Variants in PPIL6 observed in about 807,000 individuals in gnomAD.
PPIL6 encodes peptidylprolyl isomerase like 6.
PPIL6 carries 39 observed loss-of-function variants against 36.8 expected under a neutral mutation model. That is an observed-to-expected ratio of 1.06 (90% confidence interval 0.82 to 1.38). PPIL6 has a LOEUF of 1.38. Among genes scored for constraint, PPIL6 ranks in the 40% most tolerant of loss-of-function variants. The pLI is 0.00. For synonymous variants in PPIL6, 123 were observed against 134.1 expected, an observed-to-expected ratio of 0.92 and a Z score of 0.57; for missense variants, 368 against 379.1, an observed-to-expected ratio of 0.97 and a Z score of 0.24.
At chr6:109,434,596 A>C (rs548097711) in intron 2 of PPIL6, among the ~76,000 whole-genome samples, 2 of 152,326 alleles carry the variant, frequency 1.3e-5, no homozygotes, top group Admixed American at 1.3e-4. Context: ...ATGTGACTGA[A>C]CAGAGAATGA....
chr6:109,420,422 T>C (rs138858034), intron 5 of PPIL6, among the ~76,000 whole-genome samples: 4 of 151,314 alleles, frequency 2.6e-5, no homozygotes, highest in East Asian at 3.9e-4. Flanking sequence ...TCATATCCTA[T>C]AGTGATAACT....
intron 1 of PPIL6, 131 bp downstream of exon 1, chr6:109,440,325 A>G (rs1436239938): frequency 2.6e-5 from 30 of 1,163,644 alleles, no homozygotes; most frequent in Non-Finnish European, 3.5e-5. Context: ...CGGCCAGGAC[A>G]CGCCAGCCCC....
chr6:109,426,814 GC>G (rs1464286463), intron 5 of PPIL6, 32 bp downstream of exon 5: 1 of 1,403,626 alleles, frequency 7.1e-7, no homozygotes, highest in Non-Finnish European at 9.6e-7. Context: ...ATTTGATATT[GC>G]AATTAACTCG....
intron 6 of PPIL6, among the ~76,000 whole-genome samples, chr6:109,406,783 C>A (rs776779772): frequency 1.3e-5 from 2 of 152,082 alleles, no homozygotes; most frequent in Non-Finnish European, 2.9e-5. Flanking sequence ...TTTATAATAT[C>A]ATTATAAACT....
chr6:109,420,761 AT>A (rs1773502419), intron 5 of PPIL6, among the ~76,000 whole-genome samples: 1 of 152,216 alleles, frequency 6.6e-6, no homozygotes, highest in Non-Finnish European at 1.5e-5. Flanking sequence ...AGTATGAGCA[AT>A]TTACCTACAA....
At chr6:109,420,540 T>A (rs1052698547) in intron 5 of PPIL6, among the ~76,000 whole-genome samples, 1 of 152,070 alleles carries the variant, frequency 6.6e-6, no homozygotes, top group Admixed American at 6.5e-5. Context: ...GCTCCCACTA[T>A]AAAAAGACTC....
At chr6:109,398,654 A>C (rs1772398619) in intron 7 of PPIL6, among the ~76,000 whole-genome samples, 1 of 152,228 alleles carries the variant, frequency 6.6e-6, no homozygotes, top group Non-Finnish European at 1.5e-5. Context: ...TTCTAATAAT[A>C]ACTATTACCT....
intron 2 of PPIL6, among the ~76,000 whole-genome samples, chr6:109,435,300 T>C (rs1378627591): frequency 6.7e-6 from 1 of 149,774 alleles, no homozygotes; most frequent in African/African-American, 2.5e-5. Context: ...GTTGCACTTT[T>C]TTTTTTTTTT....
Position 109,431,187 on chromosome 6 carries a change from A to T in PPIL6, c.390T>A (p.Asp130Glu). 6.2e-7 allele frequency: 1 copy of T among 1,610,814 alleles called. No homozygotes were observed. The highest frequency in any genetic ancestry group is 8.5e-7 in the Non-Finnish European group (1 of 1,178,618). ...TGTCTCTTAAGAACTTAGCGGAAAA[A>T]TCCTCAGTGAGTGCGTCATAAAGTG... is the stretch of plus-strand genomic sequence containing the variant. ...PSALYDALTEDFSAKFLRDTK... is the reference protein window; with the variant it reads ...PSALYDALTEEFSAKFLRDTK... The change falls in exon 3 of 8, where the codon GAT becomes GAA. Residue 130 changes from aspartate (D) to glutamate (E), a missense_variant. Physicochemically the swap from Asp to Glu is conservative, Grantham distance 45 (BLOSUM62 2). Transcript: ENST00000521072.
intron 6 of PPIL6, among the ~76,000 whole-genome samples, chr6:109,405,316 C>G (rs1772754198): frequency 6.6e-6 from 1 of 152,158 alleles, no homozygotes; most frequent in African/African-American, 2.4e-5. Flanking sequence ...TCCAAATATG[C>G]ATTCCTAAGC....
chr6:109,414,004 T>G (rs921108920), intron 6 of PPIL6, among the ~76,000 whole-genome samples: 13 of 151,584 alleles, frequency 8.6e-5, no homozygotes, highest in Non-Finnish European at 1.8e-4. Context: ...TGAGGATGGT[T>G]AATAGGCACA....
In PPIL6 at chr6:109,400,190, G is replaced by T; in HGVS notation, c.689-20C>A. On this transcript the variant is annotated intron_variant, in intron 6 of 7. Coordinates refer to ENST00000521072, the MANE Select transcript of PPIL6 (RefSeq NM_173672.5). ...TTTCATCTAGGAAAGACAATAATCA[G>T]TAGGTCATTAGCACATTTCTATTAT... The T allele has an allele frequency of 6.3e-7, 1 of 1,597,334 alleles. No individual in the cohort carries two copies. The highest frequency in any genetic ancestry group is 2.2e-5 in the East Asian group (1 of 44,676).
At chr6:109,434,732 T>C (rs1774352406) in intron 2 of PPIL6, among the ~76,000 whole-genome samples, 1 of 152,022 alleles carries the variant, frequency 6.6e-6, no homozygotes, top group African/African-American at 2.4e-5. Context: ...TCATCAGCCA[T>C]GGGGGAGATG....
At chr6:109,426,776 A>C (rs1773832964) in intron 5 of PPIL6, 71 bp downstream of exon 5, 1 of 1,063,444 alleles carries the variant, frequency 9.4e-7, no homozygotes, top group Non-Finnish European at 1.3e-6. Context: ...TACATTTCAT[A>C]AAGATAAATG....
intron 6 of PPIL6, among the ~76,000 whole-genome samples, chr6:109,406,867 C>G (rs1035620453): frequency 3.3e-5 from 5 of 152,180 alleles, no homozygotes; most frequent in Non-Finnish European, 7.3e-5. Context: ...ATTACTCCAT[C>G]TTTGGTCAGT....
At chr6:109,432,256 G>C (rs1460732709) in intron 2 of PPIL6, among the ~76,000 whole-genome samples, 1 of 152,050 alleles carries the variant, frequency 6.6e-6, no homozygotes, top group Non-Finnish European at 1.5e-5. Flanking sequence ...GACTTACGAG[G>C]GTCAACAGGG....
intron 1 of PPIL6, 26 bp from the exon 2 acceptor site, chr6:109,436,225 T>A (rs888840344): frequency 3.1e-6 from 4 of 1,305,684 alleles, no homozygotes; most frequent in Admixed American, 3.5e-5. Flanking sequence ...GAATAATTAT[T>A]TTAGAGTTAG....
At chr6:109,420,675 C>A (rs1165763353) in intron 5 of PPIL6, among the ~76,000 whole-genome samples, 1 of 152,196 alleles carries the variant, frequency 6.6e-6, no homozygotes, top group African/African-American at 2.4e-5. Flanking sequence ...TGTCTACTAA[C>A]TTCAGCTCTA....
chr6:109,401,776 G>C (rs1421637749), intron 6 of PPIL6, among the ~76,000 whole-genome samples: 1 of 145,584 alleles, frequency 6.9e-6, no homozygotes, highest in Non-Finnish European at 1.5e-5. Flanking sequence ...CCAGGCTGGA[G>C]TGCAGTGGCG....
Sources: allele counts gnomAD v4.1 joint callset (sites outside exome capture counted in the v4.1 genomes callset), GRCh38; gene constraint gnomAD v4.1.1; transcripts MANE v1.5; gene names NCBI Gene and HGNC (gene_info 2026-07-23, HGNC 2026-07-21).